The following VTI1A variants were observed in gnomAD, a reference collection of about 807,000 sequenced individuals.
VTI1A encodes vesicle transport through interaction with t-SNAREs homolog 1A.
VTI1A carries 22 observed loss-of-function variants against 34.9 expected under a neutral mutation model. The ratio of observed to expected loss-of-function variants is 0.63; its 90% CI spans 0.45 to 0.90. VTI1A has a LOEUF of 0.90. VTI1A is among the 40% of genes least tolerant of loss of function. The pLI is 0.00. For synonymous variants in VTI1A, 87 were observed against 97.3 expected (o/e 0.89, Z 0.62); for missense variants, 268 against 275.6 (o/e 0.97, Z 0.20).
chr10:112,576,862 A>C (rs538680970), intron 5 of VTI1A, among the ~76,000 whole-genome samples: 164 of 152,312 alleles, frequency 1.1e-3, no homozygotes, highest in African/African-American at 3.9e-3. Flanking sequence ...ACACACACCC[A>C]CACACACAAA....
At chr10:112,527,770 G>A (rs541958640) in intron 4 of VTI1A, among the ~76,000 whole-genome samples, 3 of 151,474 alleles carry the variant, frequency 2.0e-5, no homozygotes, top group South Asian at 2.1e-4. Context: ...TAAGATCTGC[G>A]TAGGCCAAAA....
chr10:112,490,800 C>T (rs568201306), intron 3 of VTI1A, among the ~76,000 whole-genome samples: 1 of 152,140 alleles, frequency 6.6e-6, no homozygotes, highest in East Asian at 1.9e-4. Context: ...AAACATACTT[C>T]AGATGTTCAA....
intron 7 of VTI1A, among the ~76,000 whole-genome samples, chr10:112,731,171 A>G (rs1850243542): frequency 6.6e-6 from 1 of 152,168 alleles, no homozygotes; most frequent in Non-Finnish European, 1.5e-5. Flanking sequence ...CCTGATGTCT[A>G]TGAATCTGGG....
At chr10:112,683,268 G>A (rs1490492972) in intron 7 of VTI1A, among the ~76,000 whole-genome samples, 1 of 152,114 alleles carries the variant, frequency 6.6e-6, no homozygotes, top group Admixed American at 6.5e-5. Context: ...CCAAACACTG[G>A]GCTAAGTACT....
At chr10:112,837,217 C>A in the VTI1A span, among the ~76,000 whole-genome samples, 5 of 152,196 alleles carry the variant, frequency 3.3e-5, no homozygotes, top group African/African-American at 1.2e-4. Context: ...ATCCCAGCTA[C>A]TCAGGAGGCT....
intron 3 of VTI1A, among the ~76,000 whole-genome samples, chr10:112,475,421 C>T (rs933774524): frequency 3.3e-5 from 5 of 152,190 alleles, no homozygotes; most frequent in African/African-American, 1.2e-4. Flanking sequence ...AATTTAATTG[C>T]AGTTTTTTTC....
intron 5 of VTI1A, among the ~76,000 whole-genome samples, chr10:112,546,226 C>CACACAT (rs1554901107): frequency 6.7e-6 from 1 of 150,102 alleles, no homozygotes; most frequent in African/African-American, 2.5e-5. Context: ...CACACACACA[C>CACACAT]ATATATATAT....
chr10:112,492,100 T>C (rs920171365), intron 3 of VTI1A, among the ~76,000 whole-genome samples: 1 of 152,156 alleles, frequency 6.6e-6, no homozygotes, highest in African/African-American at 2.4e-5. Flanking sequence ...GACATAATGT[T>C]CTTAAAAGGC....
chr10:112,630,549 T>C (rs1251485370), intron 5 of VTI1A, among the ~76,000 whole-genome samples: 1 of 152,188 alleles, frequency 6.6e-6, no homozygotes, highest in Non-Finnish European at 1.5e-5. Flanking sequence ...AAATGGAAGC[T>C]CAGAAAATTT....
At chr10:112,800,656 C>T (rs956019390) in intron 7 of VTI1A, among the ~76,000 whole-genome samples, 9 of 152,156 alleles carry the variant, frequency 5.9e-5, no homozygotes, top group Admixed American at 1.3e-4. Context: ...GAAAGCAGAG[C>T]GTTGATTCTT....
At chr10:112,784,607 C>T (rs765518773) in intron 7 of VTI1A, among the ~76,000 whole-genome samples, 34 of 152,168 alleles carry the variant, frequency 2.2e-4, no homozygotes, top group Non-Finnish European at 4.3e-4. Context: ...GTCAACCACA[C>T]GTTTTCCAGA....
intron 3 of VTI1A, among the ~76,000 whole-genome samples, chr10:112,518,579 C>CTATATATA (rs1457202915): frequency 2.1e-5 from 2 of 96,512 alleles, no homozygotes; most frequent in African/African-American, 1.0e-4. Flanking sequence ...CTCTCTCTCT[C>CTATATATA]TCTCTCTCTC....
intron 5 of VTI1A, among the ~76,000 whole-genome samples, chr10:112,575,257 C>G (rs150207636): frequency 1.3e-3 from 200 of 152,334 alleles, no homozygotes; most frequent in African/African-American, 4.6e-3. Flanking sequence ...CTAATGATGT[C>G]TCTTCCCTGG....
intron 7 of VTI1A, among the ~76,000 whole-genome samples, chr10:112,710,358 C>G (rs1849370735): frequency 6.6e-6 from 1 of 151,928 alleles, no homozygotes; most frequent in South Asian, 2.1e-4. Context: ...CAAGCGTGCA[C>G]CACCACGCTG....
chr10:112,464,652 G>A lies in VTI1A; in HGVS notation c.259G>A (p.Asp87Asn), dbSNP rs1847838539. Residue 87 changes from aspartate to asparagine, a missense_variant, in exon 3 of 8, where the codon GAT (aspartate) becomes AAT (asparagine). Coordinates refer to ENST00000393077, the MANE Select transcript of VTI1A (RefSeq NM_145206.4). ...YKQEMGKLET[D>N]FKRSRIAYSD... The stretch of plus-strand genomic sequence containing the variant: ...ACAAGAAATGGGAAAACTCGAAACA[G>A]ATTTTGTGAGTCAAATTCGACCCTT... The A allele has an allele frequency of 1.2e-6, 2 of 1,610,056 alleles. No individual in the cohort carries two copies. The highest frequency in any genetic ancestry group is 1.7e-6 in the Non-Finnish European group (2 of 1,177,774).
chr10:112,450,083 G>C (rs1436253445), intron 1 of VTI1A: 1 of 151,896 alleles, frequency 6.6e-6, no homozygotes, highest in African/African-American at 2.4e-5. Flanking sequence ...GTAGAGATGG[G>C]GTTTTGCCAT....
intron 7 of VTI1A, among the ~76,000 whole-genome samples, chr10:112,673,694 T>C (rs1223071881): frequency 1.3e-5 from 2 of 152,206 alleles, no homozygotes; most frequent in African/African-American, 4.8e-5. Context: ...TACTTTCGAG[T>C]TAGCCTGGGG....
At position 112,548,874 on chromosome 10, in the gene VTI1A, C is replaced by T. The variant is rs1022424948; in HGVS notation, c.427+10544C>T. The T allele has an allele frequency of 4.8e-5, 66 of 1,370,142 alleles. No individual in the cohort carries two copies. The East Asian group carries it at 1.5e-3, about 31-fold the overall frequency. 84.9% of individuals were successfully genotyped at this position (1,370,142 alleles called of 1,614,324 possible). On this transcript the variant is annotated intron_variant, in intron 5 of 7. Transcript: ENST00000393077. ...GCTTTTTACCGGAACGGTGATCAAT[C>T]ACTTTTTAAAAAATCATTTTAGAAG...
chr10:112,532,039 C>T (rs1260298142), intron 4 of VTI1A, among the ~76,000 whole-genome samples: 2 of 152,148 alleles, frequency 1.3e-5, no homozygotes. Flanking sequence ...GTTTCATTTT[C>T]ACTGAATGTA....
Sources: gnomAD v4.1 joint callset for allele counts (sites outside exome capture counted in the v4.1 genomes callset) on GRCh38, gnomAD v4.1.1 for gene constraint, MANE v1.5 for transcripts, NCBI Gene and HGNC (gene_info 2026-07-23, HGNC 2026-07-21) for gene names.